The following LITAF variants were observed in gnomAD, a reference collection of about 807,000 sequenced individuals.
LITAF encodes lipopolysaccharide induced TNF factor.
In LITAF, 9 loss-of-function variants were observed where a neutral mutation model predicts 14.5. The ratio of observed to expected loss-of-function variants is 0.62; its 90% CI spans 0.37 to 1.08. The LOEUF is 1.08. Ranked by LOEUF, LITAF falls within the 50% of genes least tolerant of loss-of-function variation. The pLI is 0.01. For missense variants in LITAF, 206 were observed against 213.4 expected, an observed-to-expected ratio of 0.97 and a Z score of 0.22; for synonymous variants, 98 against 88.2, an observed-to-expected ratio of 1.11 and a Z score of -0.62.
intron 3 of LITAF, among the ~76,000 whole-genome samples, chr16:11,626,358 T>C (rs1016140221): frequency 1.3e-5 from 2 of 151,570 alleles, no homozygotes; most frequent in African/African-American, 4.9e-5. Context: ...TTTGTAATTT[T>C]TTTTTAAGAC....
intron 1 of LITAF, among the ~76,000 whole-genome samples, chr16:11,576,948 A>C (rs1429571838): frequency 6.6e-6 from 1 of 152,200 alleles, no homozygotes. Flanking sequence ...TCTTGCCTTT[A>C]GCAAGACTTA....
chr16:11,557,604 C>T (rs1031825451), intron 1 of LITAF, among the ~76,000 whole-genome samples: 1 of 152,076 alleles, frequency 6.6e-6, no homozygotes, highest in African/African-American at 2.4e-5. Context: ...CATGTGCCCC[C>T]CCGCCCGGCT....
chr16:11,550,590 G>A (rs146790317), intron 3 of LITAF, among the ~76,000 whole-genome samples: 157 of 152,312 alleles, frequency 1.0e-3, no homozygotes, highest in African/African-American at 3.7e-3. Flanking sequence ...GTCTTTCAAA[G>A]TCTTAGATGG....
chr16:11,556,610 G>C lies in LITAF; in HGVS notation c.121C>G (p.Pro41Ala), dbSNP rs772980622. Residue 41 changes from proline to alanine, a missense_variant, in exon 2 of 4, where the codon CCT becomes GCT. Physicochemically the swap from Pro to Ala is conservative, Grantham distance 27. Transcript: ENST00000622633. ...SYYPTPPAPM[P>A]GPTTGLVTGP... ...GTCACAAGCCCCGTAGTTGGCCCAG[G>C]CATGGGAGCTGGAGGTGTGGGGTAA... 6.2e-7 allele frequency: 1 copy of C among 1,614,212 alleles called. No homozygotes were observed. The highest frequency in any genetic ancestry group is 1.1e-5 in the South Asian group (1 of 91,090).
At chr16:11,614,672 T>A (rs1306771431) in intron 3 of LITAF, among the ~76,000 whole-genome samples, 1 of 152,176 alleles carries the variant, frequency 6.6e-6, no homozygotes, top group African/African-American at 2.4e-5. Context: ...CAACTTCAGC[T>A]CACTGCAACC....
intron 3 of LITAF, among the ~76,000 whole-genome samples, chr16:11,610,961 C>A (rs2064979248): frequency 6.6e-6 from 1 of 152,004 alleles, no homozygotes; most frequent in Non-Finnish European, 1.5e-5. Context: ...TCTCCCCCAG[C>A]TACCGAAATC....
At chr16:11,597,156 C>T (rs530767148) in intron 1 of LITAF, among the ~76,000 whole-genome samples, 28 of 152,158 alleles carry the variant, frequency 1.8e-4, no homozygotes, top group African/African-American at 6.3e-4. Flanking sequence ...AACAAGATAG[C>T]GGTCCCAACT....
chr16:11,617,160 C>T (rs1254271808), intron 3 of LITAF, among the ~76,000 whole-genome samples: 1 of 151,972 alleles, frequency 6.6e-6, no homozygotes, highest in African/African-American at 2.4e-5. Context: ...GCAGTAGTTG[C>T]AGTGAGCCGA....
rs535071324 is a variant in LITAF at position 11,549,417 on chromosome 16, G to A, written c.*220C>T. 17 of 600,578 alleles carry A rather than the reference G, an allele frequency of 2.8e-5. No individual in the cohort carries two copies. Among genetic ancestry groups the A allele is most frequent in the African/African-American group, 2.7e-4 (15 of 54,916 alleles). The allele number at this position is 600,578 out of a possible 1,614,324, so 37.2% of individuals were successfully genotyped here. A position where few individuals can be genotyped will look rare whatever the true frequency, so the allele number is the denominator to read the frequency against. ...AGGAAACCGTGGAACTGACACTCAA[G>A]GGGAATGTCTTTGCAAGTCCTATGC... On this transcript the variant is annotated 3_prime_UTR_variant, in exon 4 of 4. Coordinates refer to ENST00000622633, the MANE Select transcript of LITAF (RefSeq NM_001136472.2). This position sits in a 1 kb window ranked among gnomAD's most constrained non-coding sequence, Gnocchi z 4.6.
chr16:11,602,299 T>C (rs937356107), upstream of LITAF, among the ~76,000 whole-genome samples: 4 of 152,110 alleles, frequency 2.6e-5, no homozygotes, highest in Admixed American at 2.6e-4. Context: ...GAGGTTACAG[T>C]GAGCTGAGAT....
intron 1 of LITAF, 48 bp from the exon 2 acceptor site, chr16:11,556,783 C>G (rs770667765): frequency 1.4e-6 from 2 of 1,480,662 alleles, no homozygotes; most frequent in Non-Finnish European, 1.9e-6. Flanking sequence ...GTTGATCTCT[C>G]CCTCTCTTTT....
intron 1 of LITAF, among the ~76,000 whole-genome samples, chr16:11,564,020 C>A (rs972111139): frequency 2.0e-5 from 3 of 152,062 alleles, no homozygotes; most frequent in Non-Finnish European, 4.4e-5. Context: ...GATTGTCCTG[C>A]CTCAGCCTCC....
upstream of LITAF, chr16:11,587,268 G>C: frequency 2.0e-5 from 7 of 345,880 alleles, no homozygotes; most frequent in Admixed American, 6.2e-5. Flanking sequence ...CTGATTTGCC[G>C]CTCGCGGCTC....
intron 1 of LITAF, among the ~76,000 whole-genome samples, chr16:11,564,565 A>ATT (rs57661522): frequency 2.1e-5 from 3 of 142,746 alleles, no homozygotes; most frequent in South Asian, 2.3e-4. Context: ...AGAATCTTGA[A>ATT]TTTTTTTTTT....
intron 3 of LITAF, among the ~76,000 whole-genome samples, chr16:11,612,583 C>CAA (rs2141880147): frequency 6.6e-6 from 1 of 152,326 alleles, no homozygotes; most frequent in South Asian, 2.1e-4. Flanking sequence ...TCAGGACGCT[C>CAA]ACGTGCACAG....
rs2064275223 is a variant in LITAF, at chr16:11,556,671, A to G, written c.60T>C (p.Pro20=). Residue 20 remains proline, a synonymous_variant, in exon 2 of 4, where the codon CCT becomes CCC. Transcript: ENST00000622633. ...ATGPSSAPSA[P]PSYEETVAVN... ...CAGCCACTGTCTCTTCATAGGATGG[A>G]GGTGCGGATGGTGCTGAGGAAGGCC... 1 of 1,614,204 alleles carries G rather than the reference A, an allele frequency of 6.2e-7. No individual in the cohort carries two copies. Among genetic ancestry groups the G allele is most frequent in the East Asian group, 2.2e-5 (1 of 44,880 alleles).
intron 1 of LITAF, among the ~76,000 whole-genome samples, chr16:11,579,185 G>C (rs1005657556): frequency 6.6e-6 from 1 of 151,682 alleles, no homozygotes; most frequent in Non-Finnish European, 1.5e-5. Flanking sequence ...ACAAAACTCT[G>C]TCTCAAAAAA....
chr16:11,619,179 C>T (rs1223711656), intron 3 of LITAF, among the ~76,000 whole-genome samples: 2 of 149,690 alleles, frequency 1.3e-5, no homozygotes, highest in Admixed American at 6.7e-5. Flanking sequence ...GGTGTGGTGG[C>T]GCTTGCCTGT....
At chr16:11,562,073 C>T (rs2064375741) in intron 1 of LITAF, among the ~76,000 whole-genome samples, 1 of 151,856 alleles carries the variant, frequency 6.6e-6, no homozygotes. Flanking sequence ...TGTGTGTCAC[C>T]ATACCTGGCT....
Sources: gnomAD v4.1 joint callset for allele counts (sites outside exome capture counted in the v4.1 genomes callset) on GRCh38, gnomAD v4.1.1 for gene constraint, Gnocchi (gnomAD v3.1) non-coding constraint, MANE v1.5 for transcripts, NCBI Gene and HGNC (gene_info 2026-07-23, HGNC 2026-07-21) for gene names.